Variants in ASTN2 observed in about 807,000 individuals in gnomAD.
ASTN2 encodes the protein astrotactin 2.
A neutral mutation model predicts 139.8 loss-of-function variants in ASTN2; 54 were observed. The ratio of observed to expected loss-of-function variants is 0.39; its 90% CI spans 0.31 to 0.48. The LOEUF (loss-of-function observed/expected upper bound fraction) is 0.48, where lower values mean the gene tolerates loss of function less well. ASTN2 is among the 20% of genes least tolerant of loss of function. The pLI is 0.95. For synonymous variants in ASTN2, 756 were observed against 719.5 expected (o/e 1.05, Z -0.81); for missense variants, 1,565 against 1,725.1 (o/e 0.91, Z 1.64).
intron 19 of ASTN2, among the ~76,000 whole-genome samples, chr9:116,563,791 G>T (rs1420144241): frequency 6.6e-6 from 1 of 152,096 alleles, no homozygotes; most frequent in Admixed American, 6.5e-5. Context: ...TGAGTGAATG[G>T]TGTCTCTGGA....
At chr9:116,884,371 C>CAT (rs1418122541) in intron 10 of ASTN2, among the ~76,000 whole-genome samples, 1 of 152,118 alleles carries the variant, frequency 6.6e-6, no homozygotes, top group Non-Finnish European at 1.5e-5. Flanking sequence ...AGCAGAATAC[C>CAT]ATAGGCTGGG....
chr9:116,453,285 T>C lies in ASTN2; in HGVS notation c.3498-10732A>G, dbSNP rs1292179443. Among the ~76,000 whole-genome samples, 3 of 152,180 alleles carry C rather than the reference T, an allele frequency of 2.0e-5. No individual in the cohort carries two copies. The East Asian group carries it at 5.8e-4, about 29-fold the overall frequency. On this transcript the variant is annotated intron_variant, in intron 20 of 22. Coordinates refer to ENST00000313400, the MANE Select transcript of ASTN2 (RefSeq NM_001365068.1). ...TAAAATGGAGTCAACAATACTTGCC[T>C]CACAAGATTGTTGTAAGAATGAATA... is the stretch of plus-strand genomic sequence containing the variant.
At chr9:117,039,481 C>A (rs76142496) in intron 6 of ASTN2, among the ~76,000 whole-genome samples, 2 of 151,864 alleles carry the variant, frequency 1.3e-5, no homozygotes, top group South Asian at 2.1e-4. Flanking sequence ...CTGAAGCATG[C>A]GGGGCTTAAA....
chr9:116,840,643 G>GAC, intron 11 of ASTN2, among the ~76,000 whole-genome samples: 1 of 90,678 alleles, frequency 1.1e-5, no homozygotes, highest in Admixed American at 1.3e-4. Context: ...CGGGCGGAGG[G>GAC]GCTCCTCACT....
intron 3 of ASTN2, among the ~76,000 whole-genome samples, chr9:117,198,438 T>A (rs1344762463): frequency 3.3e-5 from 5 of 151,962 alleles, no homozygotes; most frequent in African/African-American, 1.2e-4. Context: ...ATACTTTAAG[T>A]TCTGGGATAC....
rs1256532212 is a variant in ASTN2, at chr9:117,400,647, GC to G, written c.442+13849del. 2.0e-5 allele frequency among the ~76,000 whole-genome samples: 3 copies of G among 152,320 alleles called. No individual in the cohort carries two copies. The East Asian group carries it at 5.8e-4, about 29-fold the overall frequency. Reference sequence around the variant, plus strand: ...AACTCTAGTCGCACCTGGGTTCAGAGCTGAGTGTTTGATCTTCAGAGGCCCC... The same window carrying G: ...AACTCTAGTCGCACCTGGGTTCAGAGTGAGTGTTTGATCTTCAGAGGCCCC... On this transcript the variant is annotated intron_variant, in intron 1 of 22. Transcript: ENST00000313400.
intron 2 of ASTN2, among the ~76,000 whole-genome samples, chr9:117,217,379 C>T (rs1408403919): frequency 6.6e-6 from 1 of 152,080 alleles, no homozygotes; most frequent in Non-Finnish European, 1.5e-5. Context: ...CAGTATATCC[C>T]GATTATGGTT....
chr9:117,209,683 A>G (rs1289687200), intron 3 of ASTN2, among the ~76,000 whole-genome samples: 1 of 152,124 alleles, frequency 6.6e-6, no homozygotes, highest in African/African-American at 2.4e-5. Flanking sequence ...TCATATTTAA[A>G]CTTCACTATA....
chr9:117,085,014 C>T lies in ASTN2; in HGVS notation c.1276+11030G>A, dbSNP rs908789354. Among the ~76,000 whole-genome samples, 8 of 152,168 alleles carry T rather than the reference C, an allele frequency of 5.3e-5. No individual in the cohort carries two copies. The South Asian group carries it at 1.0e-3, about 20-fold the overall frequency. Reference sequence around the variant, plus strand: ...GCCTTGATCTAGGTCCTAGAACTCACGATTCTCTCAAGTAGGAAGCACCAG... The same window carrying T: ...GCCTTGATCTAGGTCCTAGAACTCATGATTCTCTCAAGTAGGAAGCACCAG... On this transcript the variant is annotated intron_variant, in intron 5 of 22. Transcript: ENST00000313400.
intron 19 of ASTN2, among the ~76,000 whole-genome samples, chr9:116,578,619 C>CGTGTGTGTGTGTGT (rs71377254): frequency 9.4e-5 from 13 of 137,672 alleles, no homozygotes; most frequent in East Asian, 6.6e-4. Flanking sequence ...CTGGCTCCAA[C>CGTGTGTGTGTGTGT]GTGTGTGTGT....
At chr9:116,914,147 C>T (rs1357312225) in intron 10 of ASTN2, among the ~76,000 whole-genome samples, 2 of 151,478 alleles carry the variant, frequency 1.3e-5, no homozygotes, top group East Asian at 1.9e-4. Flanking sequence ...TAGAAGAACT[C>T]GTGCTATGGG....
chr9:117,170,973 A>T (rs532090090), intron 3 of ASTN2, among the ~76,000 whole-genome samples: 2 of 152,210 alleles, frequency 1.3e-5, no homozygotes, highest in African/African-American at 4.8e-5. Flanking sequence ...ACAGGGCAGC[A>T]TGGTTCTAGG....
intron 3 of ASTN2, among the ~76,000 whole-genome samples, 162 bp downstream of exon 3, chr9:117,214,196 G>A (rs2133021312): frequency 6.6e-6 from 1 of 152,318 alleles, no homozygotes; most frequent in East Asian, 1.9e-4. Context: ...TGAAGAATCA[G>A]AGAAGACAAA....
intron 19 of ASTN2, among the ~76,000 whole-genome samples, chr9:116,581,736 T>A (rs1159917856): frequency 1.3e-5 from 2 of 152,218 alleles, no homozygotes; most frequent in East Asian, 3.8e-4. Flanking sequence ...TGATCATTTT[T>A]CTTCATTCAT....
intron 19 of ASTN2, among the ~76,000 whole-genome samples, chr9:116,513,201 G>A (rs1309892816): frequency 6.6e-6 from 1 of 152,120 alleles, no homozygotes; most frequent in Non-Finnish European, 1.5e-5. Flanking sequence ...GCCTGGTGGT[G>A]ACAAAATCTC....
At chr9:116,749,729 G>C (rs1028211531) in intron 13 of ASTN2, among the ~76,000 whole-genome samples, 1 of 152,166 alleles carries the variant, frequency 6.6e-6, no homozygotes, top group East Asian at 1.9e-4. Flanking sequence ...TTGGATCATG[G>C]GGGTGGATCC....
intron 19 of ASTN2, among the ~76,000 whole-genome samples, chr9:116,595,735 A>G (rs1854544301): frequency 6.6e-6 from 1 of 152,162 alleles, no homozygotes; most frequent in Admixed American, 6.5e-5. Context: ...CATATTTGAT[A>G]TTAGGGATAC....
chr9:116,924,663 G>T (rs192279419), intron 10 of ASTN2, among the ~76,000 whole-genome samples: 1 of 152,138 alleles, frequency 6.6e-6, no homozygotes, highest in East Asian at 1.9e-4. Context: ...AAACAGTCAT[G>T]GTGCTGGTGG....
chr9:116,916,059 C>G (rs1834437608), intron 10 of ASTN2, among the ~76,000 whole-genome samples: 1 of 152,204 alleles, frequency 6.6e-6, no homozygotes, highest in Non-Finnish European at 1.5e-5. Flanking sequence ...GGACACTTAG[C>G]TGGTGTCCAG....
Sources: gnomAD v4.1 joint callset for allele counts (sites outside exome capture counted in the v4.1 genomes callset) on GRCh38, gnomAD v4.1.1 for gene constraint, MANE v1.5 for transcripts, NCBI Gene and HGNC (gene_info 2026-07-23, HGNC 2026-07-21) for gene names.